SFMBT2: variants seen among roughly 807,000 people sequenced by gnomAD.
SFMBT2 encodes Scm like with four mbt domains 2.
In SFMBT2, 38 loss-of-function variants were observed where a neutral mutation model predicts 110.1. The observed-to-expected ratio is 0.35, with a 90% CI of 0.27 to 0.45. SFMBT2 has a LOEUF of 0.45. SFMBT2 is among the 20% of genes least tolerant of loss of function. The pLI is 1.00. For missense variants in SFMBT2, 1,011 were observed against 1,094.9 expected (o/e 0.92, Z 1.08); for synonymous variants, 425 against 425.4 (o/e 1.00, Z 0.01).
intron 1 of SFMBT2, among the ~76,000 whole-genome samples, chr10:7,405,100 A>G (rs1239182230): frequency 2.0e-5 from 3 of 152,210 alleles, no homozygotes; most frequent in Non-Finnish European, 4.4e-5. Context: ...AGAGAGGAAG[A>G]CCTGCCCAGC....
intron 4 of SFMBT2, among the ~76,000 whole-genome samples, chr10:7,304,028 A>G (rs1842627201): frequency 6.6e-6 from 1 of 152,200 alleles, no homozygotes; most frequent in African/African-American, 2.4e-5. Flanking sequence ...TGCTCTCTGC[A>G]TGGGCGAGGT....
At chr10:7,179,193 C>T (rs1046144997) in intron 16 of SFMBT2, among the ~76,000 whole-genome samples, 2 of 151,922 alleles carry the variant, frequency 1.3e-5, no homozygotes, top group South Asian at 2.1e-4. Context: ...TCGAGCTTGA[C>T]TTTCCATGTA....
chr10:7,356,040 G>A (rs1163897045), intron 4 of SFMBT2, among the ~76,000 whole-genome samples: 1 of 152,064 alleles, frequency 6.6e-6, no homozygotes, highest in Non-Finnish European at 1.5e-5. Flanking sequence ...CACAGCATTC[G>A]GACACAGGTC....
chr10:7,280,849 C>T (rs1469742372), intron 6 of SFMBT2, among the ~76,000 whole-genome samples: 1 of 152,190 alleles, frequency 6.6e-6, no homozygotes. Context: ...AATCTAGTTC[C>T]TTTTCCCAGG....
At chr10:7,189,235 A>G (rs1194334292) in intron 15 of SFMBT2, 2 of 925,164 alleles carry the variant, frequency 2.2e-6, no homozygotes, top group Non-Finnish European at 2.6e-6. Context: ...TGCAGGCTCA[A>G]TTCATGGACA....
intron 7 of SFMBT2, chr10:7,249,048 C>T (rs906052156): frequency 1.6e-5 from 15 of 935,328 alleles, no homozygotes; most frequent in Non-Finnish European, 1.9e-5. Context: ...CTTCAGTCAG[C>T]ACCTTGTACC....
intron 6 of SFMBT2, among the ~76,000 whole-genome samples, chr10:7,278,171 G>A (rs1170588754): frequency 6.6e-6 from 1 of 152,060 alleles, no homozygotes; most frequent in Non-Finnish European, 1.5e-5. Context: ...TTCTAGTTTG[G>A]CCTTTCTAAA....
intron 1 of SFMBT2, among the ~76,000 whole-genome samples, chr10:7,388,757 A>G (rs61022852): frequency 1.3e-3 from 197 of 152,084 alleles, no homozygotes; most frequent in African/African-American, 4.7e-3. Context: ...GTGAGAACAG[A>G]GAGGCAGGCT....
chr10:7,399,774 AAAG>A (rs1846023774), intron 1 of SFMBT2, among the ~76,000 whole-genome samples: 1 of 152,156 alleles, frequency 6.6e-6, no homozygotes, highest in Non-Finnish European at 1.5e-5. Flanking sequence ...TCAGCTGCAA[AAAG>A]AAGGGACTGT....
intron 9 of SFMBT2, among the ~76,000 whole-genome samples, chr10:7,237,060 G>C (rs1045479715): frequency 6.6e-6 from 1 of 152,154 alleles, no homozygotes; most frequent in African/African-American, 2.4e-5. Context: ...TTAATCCTGG[G>C]AATACCGCAA....
rs1837477773 is a variant in SFMBT2 at position 7,158,805 on chromosome 10, A to C, written c.*4965T>G. 1 of 152,196 alleles carries C rather than the reference A, an allele frequency of 6.6e-6. No individual in the cohort carries two copies. Among genetic ancestry groups the C allele is most frequent in the African/African-American group, 2.4e-5 (1 of 41,456 alleles). The allele number at this position is 152,196 out of a possible 1,614,324, so 9.4% of individuals were successfully genotyped here. A position where few individuals can be genotyped will look rare whatever the true frequency, so the allele number is the denominator to read the frequency against. On this transcript the variant is annotated 3_prime_UTR_variant, in exon 21 of 21. Coordinates refer to ENST00000397167, the MANE Select transcript of SFMBT2 (RefSeq NM_001387889.1). ...CCAAAAGCATGCCCTTCGTCCTGCAAATTTCAAAAGTAATGACACCAATTT... is the reference window on the plus strand; with the variant it reads ...CCAAAAGCATGCCCTTCGTCCTGCACATTTCAAAAGTAATGACACCAATTT...
chr10:7,339,718 C>A (rs1843829017), intron 4 of SFMBT2, among the ~76,000 whole-genome samples: 1 of 152,206 alleles, frequency 6.6e-6, no homozygotes, highest in South Asian at 2.1e-4. Context: ...TTCCCTTAGA[C>A]AGGCCAACTT....
chr10:7,402,392 A>G (rs1020473634), intron 1 of SFMBT2, among the ~76,000 whole-genome samples: 2 of 152,186 alleles, frequency 1.3e-5, no homozygotes, highest in African/African-American at 4.8e-5. Flanking sequence ...AAAATCAAAT[A>G]TAGAGGAGGG....
intron 7 of SFMBT2, among the ~76,000 whole-genome samples, chr10:7,265,605 C>T (rs1020323819): frequency 6.6e-6 from 1 of 152,198 alleles, no homozygotes; most frequent in African/African-American, 2.4e-5. Flanking sequence ...AAGAACTGAG[C>T]TGGGGTATTT....
rs909681411 is a variant in SFMBT2 at position 7,389,171 on chromosome 10, C to A, written c.-51-7222G>T. On this transcript the variant is annotated intron_variant, in intron 1 of 20. Coordinates refer to ENST00000397167, the MANE Select transcript of SFMBT2 (RefSeq NM_001387889.1). The stretch of plus-strand genomic sequence containing the variant: ...TGGAAACAGATAATTCTTGGGGAAA[C>A]CTATCAAATATGAGAATAATAACCC... Among the ~76,000 whole-genome samples, 6 of 152,180 alleles carry A rather than the reference C, an allele frequency of 3.9e-5. No homozygotes were observed. The East Asian group carries it at 5.8e-4, about 15-fold the overall frequency.
Position 7,367,540 on chromosome 10 carries a change from A to G in SFMBT2, c.436+109T>C, listed in dbSNP as rs1844945890. The stretch of plus-strand genomic sequence containing the variant: ...TCTGAAAGAACTGTGAGACCTTTGC[A>G]CTAAGACCATTAGGGATTCTACGCA... On this transcript the variant is annotated intron_variant, in intron 4 of 20. Transcript: ENST00000397167. The surrounding 1 kb of genome is among the most constrained non-coding windows in gnomAD (Gnocchi z 6.2). The G allele has an allele frequency of 1.3e-6, 2 of 1,490,280 alleles. No homozygotes were observed. Among genetic ancestry groups the G allele is most frequent in the East Asian group, 4.6e-5 (2 of 43,726 alleles). The allele number at this position is 1,490,280 out of a possible 1,614,324, so 92.3% of individuals were successfully genotyped here. A position where few individuals can be genotyped will look rare whatever the true frequency, so the allele number is the denominator to read the frequency against.
intron 12 of SFMBT2, chr10:7,204,862 A>C (rs1839074957): frequency 1.1e-6 from 1 of 878,436 alleles, no homozygotes; most frequent in Non-Finnish European, 1.4e-6. Context: ...AACAAGAGCG[A>C]AACTCCATCT....
intron 10 of SFMBT2, among the ~76,000 whole-genome samples, chr10:7,220,828 T>TTC (rs1273541763): frequency 1.4e-5 from 2 of 144,416 alleles, no homozygotes. Context: ...CCTTCCTTCT[T>TTC]TTTTTTTTTT....
At chr10:7,252,513 G>T (rs553553491) in intron 7 of SFMBT2, among the ~76,000 whole-genome samples, 1 of 152,124 alleles carries the variant, frequency 6.6e-6, no homozygotes, top group Non-Finnish European at 1.5e-5. Flanking sequence ...TCCTGTGCTC[G>T]AACGTCCATC....
Sources: gnomAD v4.1 joint callset for allele counts (sites outside exome capture counted in the v4.1 genomes callset) on GRCh38, gnomAD v4.1.1 for gene constraint, Gnocchi (gnomAD v3.1) non-coding constraint, MANE v1.5 for transcripts, NCBI Gene and HGNC (gene_info 2026-07-23, HGNC 2026-07-21) for gene names.